Variants in FBN1 observed in about 807,000 individuals in gnomAD.
FBN1 encodes fibrillin-1.
In FBN1, 29 loss-of-function variants were observed where a neutral mutation model predicts 365.1. The observed-to-expected ratio is 0.08, with a 90% confidence interval of 0.06 to 0.11. The LOEUF is 0.11. FBN1 is among the 10% of genes least tolerant of loss of function. The pLI is 1.00. For missense variants in FBN1, 2,476 were observed against 3,703.2 expected, an observed-to-expected ratio of 0.67 and a Z score of 8.60; for synonymous variants, 1,210 against 1,270.5, an observed-to-expected ratio of 0.95 and a Z score of 1.01.
chr15:48,579,650 T>C (rs2044376212), intron 6 of FBN1, among the ~76,000 whole-genome samples: 1 of 152,182 alleles, frequency 6.6e-6, no homozygotes, highest in African/African-American at 2.4e-5. Flanking sequence ...ATAAATCTTA[T>C]CTCAGTCCAC....
intron 37 of FBN1, 83 bp downstream of exon 37, chr15:48,468,329 A>G (rs1394224356): frequency 1.9e-5 from 30 of 1,560,936 alleles, no homozygotes; most frequent in African/African-American, 5.4e-5. Context: ...TCATTTTGCA[A>G]ACTTTGAGAA....
At chr15:48,558,288 G>T (rs17748607) in intron 6 of FBN1, among the ~76,000 whole-genome samples, 14,566 of 152,172 alleles carry the variant, frequency 0.096, 944 homozygotes, top group Non-Finnish European at 0.14. Flanking sequence ...AAACACTTGG[G>T]TATCATTTTG....
intron 6 of FBN1, among the ~76,000 whole-genome samples, chr15:48,587,599 A>T (rs1377960854): frequency 1.3e-5 from 2 of 151,806 alleles, no homozygotes; most frequent in Non-Finnish European, 2.9e-5. Context: ...ATCTGTACTA[A>T]CTCTTCCCTT....
Position 48,411,143 on chromosome 15 carries a change from C to T in FBN1, c.8463G>A (p.Lys2821=), listed in dbSNP as rs983912555. ...GISYLHFTKK[K]PVAGTYSLQI... ...GTAATGAATAGGTTCCAGCCACTGG[C>T]TTCTTCTTTGTGAAGTGGAGGTAGC... Residue 2821 remains lysine (K), a synonymous_variant, in exon 66 of 66, where the codon AAG becomes AAA. Coordinates refer to ENST00000316623, the MANE Select transcript of FBN1 (RefSeq NM_000138.5). 7.4e-6 allele frequency: 12 copies of T among 1,614,144 alleles called. No homozygotes were observed. Among genetic ancestry groups the T allele is most frequent in the Non-Finnish European group, 1.0e-5 (12 of 1,180,010 alleles).
intron 57 of FBN1, 31 bp from the exon 58 acceptor site, chr15:48,427,804 G>A: frequency 1.3e-6 from 2 of 1,599,244 alleles, no homozygotes; most frequent in Non-Finnish European, 1.7e-6. Flanking sequence ...CAAAGGGGAT[G>A]TCAGGAAATT....
chr15:48,546,947 T>C (rs1273016865), intron 6 of FBN1, among the ~76,000 whole-genome samples: 3 of 152,110 alleles, frequency 2.0e-5, no homozygotes, highest in East Asian at 1.9e-4. Context: ...CTAGGGAAGA[T>C]TAGGCTGTAA....
chr15:48,483,868 C>A lies in FBN1; in HGVS notation c.3788G>T (p.Cys1263Phe). The change falls in exon 31 of 66, where the codon TGC (cysteine) becomes TTC (phenylalanine). Residue 1263 changes from cysteine (C) to phenylalanine (F), a missense_variant. Transcript: ENST00000316623. ...TGCCATGAATCCATCATAACACAAG[C>A]ACCTGTACTCTCCAGGGATATTTGT... ...QCTNIPGEYR[C>F]LCYDGFMASE... 6.2e-7 allele frequency: 1 copy of A among 1,613,802 alleles called. No individual in the cohort carries two copies. Among genetic ancestry groups the A allele is most frequent in the South Asian group, 1.1e-5 (1 of 91,080 alleles).
intron 6 of FBN1, among the ~76,000 whole-genome samples, chr15:48,572,170 A>G (rs682938): frequency 0.47 from 71,164 of 151,996 alleles, 20,742 homozygotes; most frequent in African/African-American, 0.84. Flanking sequence ...TTTTCACATT[A>G]TCTATTATGA....
At chr15:48,471,228 C>T (rs1003809100) in intron 35 of FBN1, among the ~76,000 whole-genome samples, 15 of 152,068 alleles carry the variant, frequency 9.9e-5, no homozygotes, top group African/African-American at 3.4e-4. Context: ...CCTTTGTTGA[C>T]GGAGATTGGA....
chr15:48,488,453 G>T lies in FBN1; in HGVS notation c.3123C>A (p.His1041Gln), dbSNP rs576395584. Reference protein sequence around the residue: ...ECKMIPSLCTHGKCRNTIGSF... With the variant: ...ECKMIPSLCTQGKCRNTIGSF... The stretch of plus-strand genomic sequence containing the variant: ...TGCCAATGGTGTTTCTGCACTTGCC[G>T]TGGGTGCAGAGGCTGGGTATCATCT... The change falls in exon 26 of 66, where the codon CAC becomes CAA. Residue 1041 changes from histidine to glutamine, a missense_variant. His to Gln is a conservative substitution (Grantham distance 24, BLOSUM62 0). Around this residue, in one of 5 missense-constraint regions of FBN1, gnomAD observed 1,780 missense variants for 2,840.8 expected, o/e 0.63. Transcript: ENST00000316623. The T allele has an allele frequency of 1.2e-6, 2 of 1,614,006 alleles. No individual in the cohort carries two copies. The highest frequency in any genetic ancestry group is 1.7e-6 in the Non-Finnish European group (2 of 1,180,026).
At chr15:48,516,044 T>C (rs948980622) in intron 11 of FBN1, 139 bp downstream of exon 11, 8 of 806,584 alleles carry the variant, frequency 9.9e-6, no homozygotes, top group Admixed American at 8.8e-5. Context: ...GATATAGATA[T>C]AGATAACATT....
rs1237635661 is a variant in FBN1, at chr15:48,468,023, T to G, written c.4662A>C (p.Gly1554=). ...NGDTACSNEI[G]VGVSKASCCC... is the part of the protein sequence containing the mutation. ...AGCAGGAAGCTTTGGAAACACCAAC[T>G]CCAATTTCATTGCTGCAGGCTGTAT... is the stretch of plus-strand genomic sequence containing the variant. The change falls in exon 38 of 66, where the codon GGA becomes GGC. Residue 1554 remains glycine, a synonymous_variant. Transcript: ENST00000316623. 2.5e-6 allele frequency: 4 copies of G among 1,614,010 alleles called. No homozygotes were observed. In the African/African-American group the frequency reaches 5.3e-5, roughly 22 times the overall value.
intron 2 of FBN1, among the ~76,000 whole-genome samples, chr15:48,617,386 G>T (rs896347596): frequency 2.6e-5 from 4 of 151,888 alleles, no homozygotes; most frequent in African/African-American, 9.7e-5. Context: ...TATTGGCCAG[G>T]CTGGTCTCGA....
At chr15:48,552,978 A>G (rs1237558812) in intron 6 of FBN1, among the ~76,000 whole-genome samples, 1 of 152,152 alleles carries the variant, frequency 6.6e-6, no homozygotes, top group Non-Finnish European at 1.5e-5. Context: ...ATGTTGAGAC[A>G]TGACTCAACT....
chr15:48,445,335 T>C (rs2043149589), intron 48 of FBN1, 41 bp downstream of exon 48: 1 of 1,608,832 alleles, frequency 6.2e-7, no homozygotes, highest in South Asian at 1.1e-5. Flanking sequence ...GAGTGGTCTC[T>C]GGAAGCATTC....
chr15:48,506,680 GA>G (rs2043710545), intron 15 of FBN1, among the ~76,000 whole-genome samples: 1 of 152,180 alleles, frequency 6.6e-6, no homozygotes, highest in South Asian at 2.1e-4. Flanking sequence ...TGTGGAGACT[GA>G]ATTAGCATTG....
intron 4 of FBN1, among the ~76,000 whole-genome samples, chr15:48,608,389 T>C (rs1876206): frequency 0.12 from 18,999 of 152,196 alleles, 1,289 homozygotes; most frequent in Non-Finnish European, 0.15. Flanking sequence ...CTGAGTAGAA[T>C]TGTCCTTCTA....
At chr15:48,539,092 G>C (rs1307179717) in intron 6 of FBN1, among the ~76,000 whole-genome samples, 1 of 152,138 alleles carries the variant, frequency 6.6e-6, no homozygotes, top group African/African-American at 2.4e-5. Flanking sequence ...AATCTTATCT[G>C]CTGGCATCCC....
chr15:48,553,509 G>A (rs1597601799), intron 6 of FBN1, among the ~76,000 whole-genome samples: 1 of 152,228 alleles, frequency 6.6e-6, no homozygotes, highest in South Asian at 2.1e-4. Flanking sequence ...TAACGGTACT[G>A]ACACTTTATG....
Sources: allele counts gnomAD v4.1 joint callset (sites outside exome capture counted in the v4.1 genomes callset), GRCh38; gene constraint gnomAD v4.1.1; regional missense constraint gnomAD v4.1.1; transcripts MANE v1.5; gene names NCBI Gene and HGNC (gene_info 2026-07-23, HGNC 2026-07-21).